SORCS2: variants seen among roughly 807,000 people sequenced by gnomAD.
The protein encoded by SORCS2 is sortilin related VPS10 domain containing receptor 2.
SORCS2 carries 100 observed loss-of-function variants against 141.6 expected under a neutral mutation model. The observed-to-expected ratio is 0.71, with a 90% CI of 0.60 to 0.83. The LOEUF (loss-of-function observed/expected upper bound fraction) is 0.83, where lower values mean the gene tolerates loss of function less well. SORCS2 is among the 40% of genes least tolerant of loss of function. The pLI is 0.00. For missense variants in SORCS2, 1,646 were observed against 1,560.2 expected (o/e 1.05, Z -0.93); for synonymous variants, 789 against 676.9 (o/e 1.17, Z -2.57).
At chr4:7,439,432 C>G (rs1269052372) in intron 2 of SORCS2, among the ~76,000 whole-genome samples, 1 of 152,186 alleles carries the variant, frequency 6.6e-6, no homozygotes, top group East Asian at 1.9e-4. Context: ...CTAACTAGAG[C>G]TCTCTCTTGC....
intron 2 of SORCS2, among the ~76,000 whole-genome samples, chr4:7,448,019 G>A (rs1371309869): frequency 2.6e-5 from 4 of 152,192 alleles, no homozygotes; most frequent in South Asian, 2.1e-4. Context: ...ATGTGTATGA[G>A]CGGCTCGTGC....
intron 3 of SORCS2, among the ~76,000 whole-genome samples, chr4:7,577,975 A>G (rs1715878593): frequency 1.3e-5 from 2 of 151,596 alleles, no homozygotes; most frequent in Non-Finnish European, 2.9e-5. Context: ...AGCTAGTGCC[A>G]TGGTTTGGAG....
In SORCS2 at chr4:7,734,690, C is replaced by T. The variant is rs77473014; in HGVS notation, c.3311+316C>T. On this transcript the variant is annotated intron_variant, in intron 25 of 26. Coordinates refer to ENST00000507866, the MANE Select transcript of SORCS2 (RefSeq NM_020777.3). ...CACAGGGAGGACACTGCCCATCTCA[C>T]AGATGAGGAAACCAGGCTCAGAGAG... 5.2e-3 allele frequency among the ~76,000 whole-genome samples: 794 copies of T among 152,342 alleles called. 7 individuals are homozygous for T. Among genetic ancestry groups the T allele is most frequent in the African/African-American group, 0.018 (749 of 41,574 alleles).
intron 19 of SORCS2, among the ~76,000 whole-genome samples, chr4:7,724,333 A>ATGG (rs1726885120): frequency 1.3e-4 from 13 of 98,068 alleles, no homozygotes; most frequent in East Asian, 3.4e-4. Flanking sequence ...TGATAGGGTG[A>ATGG]TGGTGATGAT....
intron 1 of SORCS2, among the ~76,000 whole-genome samples, chr4:7,357,821 C>A (rs943945173): frequency 1.3e-5 from 2 of 152,178 alleles, no homozygotes; most frequent in African/African-American, 4.8e-5. Context: ...GCCTTCTCCC[C>A]ATCCTGCCTT....
At chr4:7,526,718 A>T (rs35633298) in intron 2 of SORCS2, among the ~76,000 whole-genome samples, 7,137 of 152,160 alleles carry the variant, frequency 0.047, 207 homozygotes, top group African/African-American at 0.084. Context: ...TGTAAGAGCG[A>T]GTCTCTCAGC....
chr4:7,536,407 C>T (rs1342756091), intron 3 of SORCS2, among the ~76,000 whole-genome samples: 4 of 152,190 alleles, frequency 2.6e-5, no homozygotes, highest in Non-Finnish European at 5.9e-5. Flanking sequence ...GCCATAGTTA[C>T]GATTCCACAT....
chr4:7,396,013 C>G (rs1467237921), intron 1 of SORCS2, among the ~76,000 whole-genome samples: 3 of 152,258 alleles, frequency 2.0e-5, no homozygotes, highest in Non-Finnish European at 4.4e-5. Context: ...TTATTTCCAA[C>G]AAATGGCAGC....
intron 3 of SORCS2, among the ~76,000 whole-genome samples, chr4:7,595,044 C>T (rs527425897): frequency 6.6e-6 from 1 of 152,210 alleles, no homozygotes; most frequent in Non-Finnish European, 1.5e-5. Flanking sequence ...CTCGGTCCCC[C>T]ATGACTGTTC....
intron 1 of SORCS2, among the ~76,000 whole-genome samples, chr4:7,320,627 C>T (rs1374798783): frequency 6.6e-6 from 1 of 152,200 alleles, no homozygotes; most frequent in East Asian, 1.9e-4. Context: ...AGGCTGTTTC[C>T]CAGTGGAAGG....
chr4:7,645,037 G>A lies in SORCS2; in HGVS notation c.813+6545G>A, dbSNP rs557132826. 5.2e-5 allele frequency among the ~76,000 whole-genome samples: 8 copies of A among 152,382 alleles called. No individual in the cohort carries two copies. In the East Asian group the frequency reaches 9.6e-4, roughly 18 times the overall value. ...GGCTTCATAAAGCTCCAGGGCAGGC[G>A]TCGTAAACGCAAGCGCATGAGGCAG... On this transcript the variant is annotated intron_variant, in intron 4 of 26. Coordinates refer to ENST00000507866, the MANE Select transcript of SORCS2 (RefSeq NM_020777.3).
At chr4:7,509,026 G>A (rs890121633) in intron 2 of SORCS2, among the ~76,000 whole-genome samples, 3 of 152,130 alleles carry the variant, frequency 2.0e-5, no homozygotes, top group Non-Finnish European at 2.9e-5. Context: ...GCCTCGGCAC[G>A]GCGACCTTTC....
intron 1 of SORCS2, among the ~76,000 whole-genome samples, chr4:7,378,429 T>A (rs1201945085): frequency 6.6e-6 from 1 of 152,118 alleles, no homozygotes; most frequent in Non-Finnish European, 1.5e-5. Flanking sequence ...AAACTTATAA[T>A]CATGGTGGAA....
intron 1 of SORCS2, among the ~76,000 whole-genome samples, chr4:7,292,454 G>C (rs145375763): frequency 1.3e-4 from 16 of 125,036 alleles, no homozygotes; most frequent in African/African-American, 4.8e-4. Flanking sequence ...GGTGTGGATC[G>C]TGGTGGTGGT....
At chr4:7,315,190 G>T (rs1470188876) in intron 1 of SORCS2, among the ~76,000 whole-genome samples, 4 of 152,146 alleles carry the variant, frequency 2.6e-5, no homozygotes, top group African/African-American at 4.8e-5. Flanking sequence ...TGAGCTTCGA[G>T]TGAGCCTCCC....
intron 2 of SORCS2, among the ~76,000 whole-genome samples, chr4:7,490,489 T>G (rs545169523): frequency 6.7e-6 from 1 of 150,246 alleles, no homozygotes; most frequent in East Asian, 2.0e-4. Flanking sequence ...CTAGGGACCA[T>G]GCTAGCACCC....
At chr4:7,269,754 A>C (rs1342178505) in intron 1 of SORCS2, among the ~76,000 whole-genome samples, 3 of 152,250 alleles carry the variant, frequency 2.0e-5, no homozygotes, top group Non-Finnish European at 4.4e-5. Flanking sequence ...ATCTCAGCCC[A>C]GTGATACTGA....
chr4:7,412,861 C>T (rs557138265), intron 2 of SORCS2, among the ~76,000 whole-genome samples: 9 of 152,234 alleles, frequency 5.9e-5, no homozygotes, highest in South Asian at 4.1e-4. Context: ...CCAGGGCCTC[C>T]GCCACAGCCC....
At chr4:7,335,057 GGA>G (rs1473531748) in intron 1 of SORCS2, among the ~76,000 whole-genome samples, 1 of 152,174 alleles carries the variant, frequency 6.6e-6, no homozygotes, top group Non-Finnish European at 1.5e-5. Context: ...GGGGAGCCAT[GGA>G]GAGTTTTACA....
Sources: gnomAD v4.1 joint callset for allele counts (sites outside exome capture counted in the v4.1 genomes callset) on GRCh38, gnomAD v4.1.1 for gene constraint, MANE v1.5 for transcripts, NCBI Gene and HGNC (gene_info 2026-07-23, HGNC 2026-07-21) for gene names.